The following PGAP4 variants were observed in gnomAD, a reference collection of about 807,000 sequenced individuals.
PGAP4 encodes GPI-N-acetylgalactosamine transferase PGAP4.
A neutral mutation model predicts 28.2 loss-of-function variants in PGAP4; 12 were observed. The ratio of observed to expected loss-of-function variants is 0.42; its 90% CI spans 0.27 to 0.69. The LOEUF is 0.69. Among genes scored for constraint, PGAP4 ranks in the 30% least tolerant of loss-of-function variants. The pLI is 0.22. For missense variants in PGAP4, 425 were observed against 513.5 expected (o/e 0.83, Z 1.67); for synonymous variants, 205 against 211.8 (o/e 0.97, Z 0.28).
intron 2 of PGAP4, among the ~76,000 whole-genome samples, chr9:101,527,737 C>A (rs992786840): frequency 6.6e-6 from 1 of 152,132 alleles, no homozygotes; most frequent in Non-Finnish European, 1.5e-5. Flanking sequence ...CAAAAATATA[C>A]TTACAAATTA....
At chr9:101,480,092 G>GA (rs1203785688) in intron 1 of PGAP4, among the ~76,000 whole-genome samples, 1 of 151,946 alleles carries the variant, frequency 6.6e-6, no homozygotes, top group Non-Finnish European at 1.5e-5. Context: ...ATCCTCAGGA[G>GA]AAAAGAAAGC....
intron 2 of PGAP4, among the ~76,000 whole-genome samples, chr9:101,504,942 A>G (rs777473756): frequency 1.3e-5 from 2 of 152,096 alleles, no homozygotes; most frequent in African/African-American, 4.8e-5. Flanking sequence ...CTATGTTAGG[A>G]TAAGTTGGTC....
chr9:101,490,167 CA>C (rs1326261319), upstream of PGAP4, among the ~76,000 whole-genome samples: 3 of 152,012 alleles, frequency 2.0e-5, no homozygotes, highest in Non-Finnish European at 4.4e-5. Flanking sequence ...AGGCTCTTTA[CA>C]AACTTTTTTA....
rs1000194219 is a variant in PGAP4 at position 101,474,362 on chromosome 9, C to T, written c.*1519G>A. 6 of 152,260 alleles carry T rather than the reference C, an allele frequency of 3.9e-5. No homozygotes were observed. The highest frequency in any genetic ancestry group is 1.4e-4 in the African/African-American group (6 of 41,470). The allele number at this position is 152,260 out of a possible 1,614,324, so 9.4% of individuals were successfully genotyped here. On this transcript the variant is annotated 3_prime_UTR_variant, in exon 2 of 2. Transcript: ENST00000374848. ...GAAACAAACTGGACAATTGCTTGAA[C>T]TCTAATATCATCATCCATCCTCATA...
intron 2 of PGAP4, among the ~76,000 whole-genome samples, chr9:101,511,365 A>G (rs1372383672): frequency 1.3e-5 from 2 of 152,288 alleles, no homozygotes; most frequent in Non-Finnish European, 2.9e-5. Flanking sequence ...CCCAGGCCAC[A>G]GACCGGTTAA....
intron 2 of PGAP4, among the ~76,000 whole-genome samples, chr9:101,528,843 T>C (rs371571609): frequency 8.8e-4 from 133 of 151,532 alleles, no homozygotes; most frequent in African/African-American, 3.0e-3. Flanking sequence ...GTTTGTTACA[T>C]AGGTAATTTT....
chr9:101,501,171 C>A (rs1399116450), intron 2 of PGAP4, among the ~76,000 whole-genome samples: 1 of 152,090 alleles, frequency 6.6e-6, no homozygotes, highest in East Asian at 1.9e-4. Flanking sequence ...CATTACCATT[C>A]CTCCCTTTTG....
At chr9:101,484,504 C>T (rs1826569119) in intron 1 of PGAP4, among the ~76,000 whole-genome samples, 1 of 152,160 alleles carries the variant, frequency 6.6e-6, no homozygotes, top group Non-Finnish European at 1.5e-5. Flanking sequence ...TGTTATAAAT[C>T]CTAATCTCCA....
rs1826305545 is a variant in PGAP4, at chr9:101,476,291, C to T, written c.802G>A (p.Val268Ile). Residue 268 changes from valine (V) to isoleucine (I), a missense_variant, in exon 2 of 2, where the codon GTA becomes ATA. Physicochemically the swap from Val to Ile is conservative, Grantham distance 29 (BLOSUM62 3). Coordinates refer to ENST00000374848, the MANE Select transcript of PGAP4 (RefSeq NM_032342.3). The surrounding 1 kb of genome is among the most constrained non-coding windows in gnomAD (Gnocchi z 7.0). ...AGTAAGGGCCCCAGCAACATGCCTACACCAACCCATTCCAGGATCCGCATG... is the reference window on the plus strand; with the variant it reads ...AGTAAGGGCCCCAGCAACATGCCTATACCAACCCATTCCAGGATCCGCATG... Reference protein sequence around the residue: ...EPMRILEWVGVGMLLGPLLTW... With the variant: ...EPMRILEWVGIGMLLGPLLTW... 3 of 1,614,168 alleles carry T rather than the reference C, an allele frequency of 1.9e-6. No homozygotes were observed. The highest frequency in any genetic ancestry group is 2.7e-5 in the African/African-American group (2 of 75,046).
chr9:101,476,164 C>G lies in PGAP4; in HGVS notation c.929G>C (p.Arg310Pro). The G allele has an allele frequency of 1.2e-6, 2 of 1,614,086 alleles. No individual in the cohort carries two copies. Among genetic ancestry groups the G allele is most frequent in the Non-Finnish European group, 1.7e-6 (2 of 1,180,020 alleles). Residue 310 changes from arginine to proline, a missense_variant, in exon 2 of 2, where the codon CGG (arginine) becomes CCG (proline). By Grantham distance (103) the Arg-to-Pro change is moderately radical (BLOSUM62 -2). Coordinates refer to ENST00000374848, the MANE Select transcript of PGAP4 (RefSeq NM_032342.3). The surrounding 1 kb of genome is among the most constrained non-coding windows in gnomAD (Gnocchi z 7.0). ...YSMGLVELVG[R>P]HYFLELRRLS... ...CCGCCGCAGTTCCAGGAAATAGTGCCGACCCACCAGCTCCACCAGACCCAT... is the reference window on the plus strand; with the variant it reads ...CCGCCGCAGTTCCAGGAAATAGTGCGGACCCACCAGCTCCACCAGACCCAT...
At chr9:101,508,553 G>A (rs910360250) in intron 2 of PGAP4, among the ~76,000 whole-genome samples, 2 of 152,066 alleles carry the variant, frequency 1.3e-5, no homozygotes, top group Non-Finnish European at 2.9e-5. Context: ...ACTCCACCCT[G>A]TGAGGTCTGT....
At chr9:101,518,969 A>G (rs1826962926) in intron 2 of PGAP4, among the ~76,000 whole-genome samples, 1 of 152,122 alleles carries the variant, frequency 6.6e-6, no homozygotes, top group Non-Finnish European at 1.5e-5. Flanking sequence ...ATCCACGTCA[A>G]CATCTACTGT....
intron 2 of PGAP4, among the ~76,000 whole-genome samples, chr9:101,508,021 A>G (rs577960176): frequency 6.6e-6 from 1 of 151,892 alleles, no homozygotes; most frequent in African/African-American, 2.4e-5. Context: ...TGTTACCCTT[A>G]TTTGATGAAG....
At chr9:101,493,154 T>G (rs1334920535) in intron 2 of PGAP4, among the ~76,000 whole-genome samples, 2 of 150,800 alleles carry the variant, frequency 1.3e-5, no homozygotes, top group African/African-American at 2.4e-5. Flanking sequence ...CTCGGGAGGC[T>G]GAGGCAGGAG....
chr9:101,489,858 T>C (rs1025560428), upstream of PGAP4, among the ~76,000 whole-genome samples: 5 of 152,180 alleles, frequency 3.3e-5, no homozygotes, highest in African/African-American at 1.2e-4. Context: ...ACAAACCTTT[T>C]GGGACACATA....
At chr9:101,503,910 G>A (rs1041213492) in intron 2 of PGAP4, among the ~76,000 whole-genome samples, 1 of 151,918 alleles carries the variant, frequency 6.6e-6, no homozygotes, top group Non-Finnish European at 1.5e-5. Flanking sequence ...AAATTTATAG[G>A]AGGCCATTGT....
intron 2 of PGAP4, among the ~76,000 whole-genome samples, chr9:101,529,250 G>A (rs1309705672): frequency 6.6e-6 from 1 of 151,050 alleles, no homozygotes; most frequent in Non-Finnish European, 1.5e-5. Flanking sequence ...TTGCCTCCTG[G>A]GTTCAAGTGA....
intron 1 of PGAP4, among the ~76,000 whole-genome samples, chr9:101,483,846 G>T (rs1826549205): frequency 1.3e-5 from 2 of 152,030 alleles, no homozygotes; most frequent in Non-Finnish European, 2.9e-5. Context: ...TTCTACCAAA[G>T]GGTAATTAAA....
intron 1 of PGAP4, among the ~76,000 whole-genome samples, chr9:101,532,331 G>C (rs931475474): frequency 5.9e-5 from 9 of 151,568 alleles, no homozygotes; most frequent in African/African-American, 2.2e-4. Context: ...ATGTGACCAT[G>C]CAAAAATATA....
Sources: gnomAD v4.1 joint callset for allele counts (sites outside exome capture counted in the v4.1 genomes callset) on GRCh38, gnomAD v4.1.1 for gene constraint, Gnocchi (gnomAD v3.1) non-coding constraint, MANE v1.5 for transcripts, NCBI Gene and HGNC (gene_info 2026-07-23, HGNC 2026-07-21) for gene names.